The following SGCZ variants were observed in gnomAD, a reference collection of about 807,000 sequenced individuals.
SGCZ encodes the protein zeta-sarcoglycan.
Under a neutral mutation model 41.3 loss-of-function variants are expected in SGCZ, and 40 were observed. The observed-to-expected ratio is 0.97, with a 90% CI of 0.75 to 1.26. SGCZ has a LOEUF of 1.26. Ranked by LOEUF, SGCZ falls within the 50% of genes most tolerant of loss-of-function variation. The pLI is 0.00. For missense variants in SGCZ, 552 were observed against 369.8 expected (o/e 1.49, Z -4.04); for synonymous variants, 206 against 137.5 (o/e 1.50, Z -3.49).
At chr8:15,154,803 G>C (rs1308001489) in intron 1 of SGCZ, among the ~76,000 whole-genome samples, 1 of 152,164 alleles carries the variant, frequency 6.6e-6, no homozygotes, top group Non-Finnish European at 1.5e-5. Context: ...TTTATATCCT[G>C]CCAGAATTTG....
At chr8:14,112,438 C>G (rs1483253517) in intron 5 of SGCZ, among the ~76,000 whole-genome samples, 1 of 152,018 alleles carries the variant, frequency 6.6e-6, no homozygotes, top group Non-Finnish European at 1.5e-5. Context: ...GGTATCTTAG[C>G]TTTTCAGGTC....
intron 3 of SGCZ, among the ~76,000 whole-genome samples, chr8:14,291,644 C>CA (rs949904236): frequency 6.7e-6 from 1 of 149,436 alleles, no homozygotes; most frequent in South Asian, 2.1e-4. Flanking sequence ...TTTTAGAAGA[C>CA]AAAAAAATAA....
At chr8:14,504,797 T>G (rs12682295) in intron 2 of SGCZ, among the ~76,000 whole-genome samples, 2,676 of 152,232 alleles carry the variant, frequency 0.018, 40 homozygotes, top group East Asian at 0.08. Context: ...GCTGAAACCT[T>G]TTTGTGATTT....
At chr8:14,885,707 G>A (rs1317913508) in intron 1 of SGCZ, among the ~76,000 whole-genome samples, 1 of 151,914 alleles carries the variant, frequency 6.6e-6, no homozygotes, top group Non-Finnish European at 1.5e-5. Context: ...CTCAAGTGAT[G>A]CATGATTTTA....
At chr8:14,591,829 T>C (rs1805251164) in intron 1 of SGCZ, among the ~76,000 whole-genome samples, 2 of 152,154 alleles carry the variant, frequency 1.3e-5, no homozygotes, top group Admixed American at 6.6e-5. Flanking sequence ...TCTCTTCTGA[T>C]AGTGCAATTT....
chr8:14,341,907 G>C (rs977922076), intron 2 of SGCZ, among the ~76,000 whole-genome samples: 10 of 152,110 alleles, frequency 6.6e-5, no homozygotes, highest in Admixed American at 1.3e-4. Context: ...CCAGCTTCAG[G>C]TCTGGCTTTA....
chr8:15,184,954 G>A (rs1210090634), intron 1 of SGCZ, among the ~76,000 whole-genome samples: 2 of 152,016 alleles, frequency 1.3e-5, no homozygotes, highest in East Asian at 3.9e-4. Flanking sequence ...GACTGTAACT[G>A]GGGAGTCTCT....
At chr8:14,482,346 C>G (rs1347980502) in intron 2 of SGCZ, among the ~76,000 whole-genome samples, 1 of 152,184 alleles carries the variant, frequency 6.6e-6, no homozygotes, top group East Asian at 1.9e-4. Flanking sequence ...AACAGCATTT[C>G]CTGTATTTTG....
chr8:14,611,756 C>T (rs1048996559), intron 1 of SGCZ, among the ~76,000 whole-genome samples: 2 of 151,950 alleles, frequency 1.3e-5, no homozygotes, highest in Non-Finnish European at 2.9e-5. Context: ...CCACAAAAGA[C>T]TGGAAACAAT....
chr8:14,339,756 A>G (rs189107664), intron 2 of SGCZ, among the ~76,000 whole-genome samples: 1,686 of 152,334 alleles, frequency 0.011, 25 homozygotes, highest in African/African-American at 0.037. Flanking sequence ...ACTTAAAAAG[A>G]CGAGTACATA....
At chr8:14,401,244 T>G (rs960658371) in intron 2 of SGCZ, among the ~76,000 whole-genome samples, 1 of 152,106 alleles carries the variant, frequency 6.6e-6, no homozygotes, top group African/African-American at 2.4e-5. Context: ...AATACTTAAC[T>G]CAAATATACA....
chr8:14,601,936 C>A (rs1017458332), intron 1 of SGCZ, among the ~76,000 whole-genome samples: 1 of 151,904 alleles, frequency 6.6e-6, no homozygotes, highest in Admixed American at 6.6e-5. Context: ...CGGGCTAACA[C>A]GGTGAAACCC....
intron 7 of SGCZ, among the ~76,000 whole-genome samples, chr8:14,091,180 G>A (rs923953011): frequency 6.6e-6 from 1 of 151,278 alleles, no homozygotes; most frequent in Non-Finnish European, 1.5e-5. Flanking sequence ...CCTTTTTTAT[G>A]GCTGCATAGT....
intron 2 of SGCZ, among the ~76,000 whole-genome samples, chr8:14,415,765 A>G (rs1039914760): frequency 8.6e-5 from 13 of 151,914 alleles, no homozygotes; most frequent in African/African-American, 3.1e-4. Context: ...GCACCACCTC[A>G]AATTTGTGAC....
At chr8:15,041,331 A>G (rs1251602515) in intron 1 of SGCZ, among the ~76,000 whole-genome samples, 1 of 152,020 alleles carries the variant, frequency 6.6e-6, no homozygotes, top group Non-Finnish European at 1.5e-5. Flanking sequence ...AGATAAGCAT[A>G]TAATTGTTAA....
Position 14,260,147 on chromosome 8 carries a change from G to A in SGCZ, c.337-22468C>T, listed in dbSNP as rs143437846. Among the ~76,000 whole-genome samples the A allele has an allele frequency of 7.0e-3, 1,064 of 152,208 alleles. 41 individuals are homozygous for A. The highest frequency in any genetic ancestry group is 0.048 in the Admixed American group (740 of 15,278). On this transcript the variant is annotated intron_variant, in intron 3 of 7. Coordinates refer to ENST00000382080, the MANE Select transcript of SGCZ (RefSeq NM_139167.4). ...GTTGGTGTATAAGAAACTACCATCA[G>A]AGTGAACAGGCAACCTACAGAATGG...
chr8:14,203,072 T>A (rs1421129748), intron 4 of SGCZ, among the ~76,000 whole-genome samples: 1 of 152,128 alleles, frequency 6.6e-6, no homozygotes, highest in Non-Finnish European at 1.5e-5. Context: ...GTGACTTGCT[T>A]CTCCTCGCCT....
intron 2 of SGCZ, among the ~76,000 whole-genome samples, chr8:14,407,603 G>T (rs552940749): frequency 6.6e-6 from 1 of 152,078 alleles, no homozygotes; most frequent in South Asian, 2.1e-4. Flanking sequence ...ATAGGTATAT[G>T]ATATAAAAAT....
intron 1 of SGCZ, among the ~76,000 whole-genome samples, chr8:14,761,621 C>T (rs868808690): frequency 6.6e-6 from 1 of 151,334 alleles, no homozygotes; most frequent in African/African-American, 2.4e-5. Context: ...CTCCTCTTAC[C>T]TCCCGGATTC....
Sources: allele counts gnomAD v4.1 joint callset (sites outside exome capture counted in the v4.1 genomes callset), GRCh38; gene constraint gnomAD v4.1.1; transcripts MANE v1.5; gene names NCBI Gene and HGNC (gene_info 2026-07-23, HGNC 2026-07-21).